Variants in EIF4ENIF1 observed in about 807,000 individuals in gnomAD.
EIF4ENIF1 encodes the protein eukaryotic translation initiation factor 4E transporter.
In EIF4ENIF1, 23 loss-of-function variants were observed where a neutral mutation model predicts 110.5. That is an observed-to-expected ratio of 0.21 (90% confidence interval 0.15 to 0.29). EIF4ENIF1 has a LOEUF of 0.29. Ranked by LOEUF, EIF4ENIF1 falls within the 10% of genes least tolerant of loss-of-function variation. The pLI, the probability that EIF4ENIF1 is intolerant of heterozygous loss-of-function variation, is 1.00. For missense variants in EIF4ENIF1, 1,031 were observed against 1,221.1 expected (o/e 0.84, Z 2.32); for synonymous variants, 440 against 437.0 (o/e 1.01, Z -0.09).
chr22:31,453,414 GC>G, intron 10 of EIF4ENIF1: 1 of 345,548 alleles, frequency 2.9e-6, no homozygotes, highest in Non-Finnish European at 5.7e-6. Context: ...TCACTCTGTT[GC>G]CCAGCCTGGA....
At position 31,447,521 on chromosome 22, in the gene EIF4ENIF1, G is replaced by A; in HGVS notation, c.1893C>T (p.Ala631=). The A allele has an allele frequency of 2.5e-6, 4 of 1,611,982 alleles. No homozygotes were observed. The highest frequency in any genetic ancestry group is 3.4e-6 in the Non-Finnish European group (4 of 1,178,894). The change falls in exon 14 of 19, where the codon GCC becomes GCT. Residue 631 remains alanine, a synonymous_variant. Coordinates refer to ENST00000330125, the MANE Select transcript of EIF4ENIF1 (RefSeq NM_019843.4). ...CCTGTACAGCAAGGTCATGTGGCAAGGCCAGCCCTTCTAAAGCTGCCTGTT... is the reference window on the plus strand; with the variant it reads ...CCTGTACAGCAAGGTCATGTGGCAAAGCCAGCCCTTCTAAAGCTGCCTGTT... ...ELQQAALEGL[A]LPHDLAVQAA... is the part of the protein sequence containing the mutation.
chr22:31,441,799 C>T lies in EIF4ENIF1; in HGVS notation c.2526G>A (p.Gln842=). 1 of 1,612,526 alleles carries T rather than the reference C, an allele frequency of 6.2e-7. No individual in the cohort carries two copies. The highest frequency in any genetic ancestry group is 1.7e-5 in the Admixed American group (1 of 59,944). ...QRMLAQGVHP[Q]HLPSLLQTGV... Reference sequence around the variant, plus strand: ...CAGTTTGGAGCAAACTTGGAAGATGCTGTGGATGTACTCCCTGGGCCAGCA... The same window carrying T: ...CAGTTTGGAGCAAACTTGGAAGATGTTGTGGATGTACTCCCTGGGCCAGCA... The change falls in exon 17 of 19, where the codon CAG becomes CAA. Residue 842 remains glutamine, a synonymous_variant. Coordinates refer to ENST00000330125, the MANE Select transcript of EIF4ENIF1 (RefSeq NM_019843.4).
chr22:31,463,004 C>A lies in EIF4ENIF1; in HGVS notation c.715G>T (p.Asp239Tyr). ...TGATCTTCTTCTAGTATCTTATCAT[C>A]AAAGCCAGTCAGTTCGATGGTTTCA... ...QSETIELTGFDDKILEEDHKG... is the reference protein window; with the variant it reads ...QSETIELTGFYDKILEEDHKG... Residue 239 changes from aspartate to tyrosine, a missense_variant, in exon 6 of 19, where the codon GAT becomes TAT. This residue lies in a region of EIF4ENIF1 where 704 missense variants were observed against 879.7 expected (regional missense o/e 0.80). Transcript: ENST00000330125. The A allele has an allele frequency of 1.2e-6, 2 of 1,614,144 alleles. No homozygotes were observed. The highest frequency in any genetic ancestry group is 1.7e-6 in the Non-Finnish European group (2 of 1,180,034).
chr22:31,457,414 TATCA>T (rs1446063073), intron 7 of EIF4ENIF1, among the ~76,000 whole-genome samples: 4 of 152,220 alleles, frequency 2.6e-5, no homozygotes, highest in African/African-American at 9.6e-5. Flanking sequence ...GCAGTATTCT[TATCA>T]ATATTTAGAA....
At chr22:31,467,064 A>G (rs1468299877) in intron 4 of EIF4ENIF1, among the ~76,000 whole-genome samples, 2 of 152,228 alleles carry the variant, frequency 1.3e-5, no homozygotes, top group Non-Finnish European at 2.9e-5. Flanking sequence ...CACATCTGCA[A>G]CATGGTTTTA....
chr22:31,462,185 C>T (rs1328110221), intron 6 of EIF4ENIF1, among the ~76,000 whole-genome samples: 2 of 152,104 alleles, frequency 1.3e-5, no homozygotes, highest in Non-Finnish European at 2.9e-5. Flanking sequence ...TGAATCCTCA[C>T]TTAAGCAGTT....
chr22:31,476,046 A>T (rs1431490838), intron 2 of EIF4ENIF1, among the ~76,000 whole-genome samples: 2 of 152,166 alleles, frequency 1.3e-5, no homozygotes, highest in Non-Finnish European at 2.9e-5. Flanking sequence ...AGAGGGCTTA[A>T]AATTTTTCTA....
chr22:31,479,759 G>A (rs1474330176), intron 2 of EIF4ENIF1, among the ~76,000 whole-genome samples: 1 of 149,090 alleles, frequency 6.7e-6, no homozygotes, highest in Non-Finnish European at 1.5e-5. Context: ...TCTCAGGCTG[G>A]AGTGCAGTGG....
chr22:31,490,106 G>A (rs536675567), upstream of EIF4ENIF1, among the ~76,000 whole-genome samples: 259 of 152,232 alleles, frequency 1.7e-3, 1 homozygote, highest in Non-Finnish European at 2.7e-3. Flanking sequence ...CGGTCGCCGT[G>A]GGCAGCCCAG....
Position 31,458,588 on chromosome 22 carries a change from C to G in EIF4ENIF1, c.850G>C (p.Glu284Gln), listed in dbSNP as rs1569081755. 5 of 1,613,590 alleles carry G rather than the reference C, an allele frequency of 3.1e-6. No individual in the cohort carries two copies. In the African/African-American group the frequency reaches 6.7e-5, roughly 22 times the overall value. Residue 284 changes from glutamate (E) to glutamine (Q), a missense_variant, in exon 7 of 19, where the codon GAG (glutamate) becomes CAG (glutamine). This residue lies in a region of EIF4ENIF1 where 704 missense variants were observed against 879.7 expected (regional missense o/e 0.80). Transcript: ENST00000330125. ...GGCACTTCCTGATCAGCCGCAGGCT[C>G]CTGTGCAAGGATGACCTCCACTTCA... ...EDEVEVILAQ[E>Q]PAADQEVPRD...
chr22:31,467,695 C>G (rs922863008), intron 4 of EIF4ENIF1, among the ~76,000 whole-genome samples: 4 of 151,868 alleles, frequency 2.6e-5, no homozygotes, highest in Non-Finnish European at 4.4e-5. Flanking sequence ...TGGTGGCAGG[C>G]ACCTGTAATC....
rs2051095147 is a variant in EIF4ENIF1 at position 31,464,185 on chromosome 22, CGATA to C, written c.299-222_299-219del. 5.9e-6 allele frequency: 3 copies of C among 509,874 alleles called. No homozygotes were observed. The South Asian group carries it at 1.1e-4, about 18-fold the overall frequency. 31.6% of individuals were successfully genotyped at this position (509,874 alleles called of 1,614,324 possible). On this transcript the variant is annotated intron_variant, in intron 4 of 18. Transcript: ENST00000330125. ...TCTTTGCAGCAATAGAAGTACGTCA[CGATA>C]AATAATTTTCCATGATTAGTCTTTG...
At chr22:31,482,988 C>T (rs2051879464) in intron 2 of EIF4ENIF1, among the ~76,000 whole-genome samples, 1 of 151,788 alleles carries the variant, frequency 6.6e-6, no homozygotes, top group Non-Finnish European at 1.5e-5. Flanking sequence ...AGGGCCACTG[C>T]ACTCCAGCCT....
intron 17 of EIF4ENIF1, 23 bp downstream of exon 17, chr22:31,441,750 AC>A (rs754988840): frequency 1.3e-6 from 2 of 1,586,406 alleles, no homozygotes; most frequent in South Asian, 2.3e-5. Context: ...AACTGACGAC[AC>A]CCAAGTCAGG....
At chr22:31,474,460 G>C (rs1415219727) in intron 2 of EIF4ENIF1, among the ~76,000 whole-genome samples, 1 of 151,202 alleles carries the variant, frequency 6.6e-6, no homozygotes, top group African/African-American at 2.4e-5. Context: ...CTTCAAACTG[G>C]CCCATGTGTC....
chr22:31,444,609 G>A lies in EIF4ENIF1; in HGVS notation c.2070C>T (p.Ser690=). ...ACAGTTACTAAAGGTCACTGACCAT[G>A]CTTGTGATGGAGGCAGCAGGGGCAG... ...SSPAPAASIT[S]MLSPSFTPTS... Residue 690 remains serine (S), a synonymous_variant, in exon 15 of 19, where the codon AGC becomes AGT. Transcript: ENST00000330125. 6.2e-7 allele frequency: 1 copy of A among 1,614,068 alleles called. No individual in the cohort carries two copies.
At chr22:31,465,483 C>T (rs1846373885) in intron 4 of EIF4ENIF1, among the ~76,000 whole-genome samples, 2 of 152,222 alleles carry the variant, frequency 1.3e-5, no homozygotes, top group South Asian at 2.1e-4. Flanking sequence ...GATACTACTA[C>T]ACGCCTATTA....
chr22:31,444,624 AGCAGGG>A lies in EIF4ENIF1; in HGVS notation c.2049_2054del (p.Pro684_Ala685del). ...CACTGACCATGCTTGTGATGGAGGC[AGCAGGG>A]GCAGGGGAAGAGGAATTCCCTCGAT... On this transcript the variant is annotated inframe_deletion, in exon 15 of 19. Coordinates refer to ENST00000330125, the MANE Select transcript of EIF4ENIF1 (RefSeq NM_019843.4). 6.2e-7 allele frequency: 1 copy of A among 1,614,160 alleles called. No homozygotes were observed. Among genetic ancestry groups the A allele is most frequent in the Non-Finnish European group, 8.5e-7 (1 of 1,180,004 alleles).
At chr22:31,476,816 A>G (rs2051588502) in intron 2 of EIF4ENIF1, among the ~76,000 whole-genome samples, 1 of 150,556 alleles carries the variant, frequency 6.6e-6, no homozygotes, top group Non-Finnish European at 1.5e-5. Context: ...AGCCTGGACA[A>G]CAGAGTAAGA....
Sources: allele counts gnomAD v4.1 joint callset (sites outside exome capture counted in the v4.1 genomes callset), GRCh38; gene constraint gnomAD v4.1.1; regional missense constraint gnomAD v4.1.1; transcripts MANE v1.5; gene names NCBI Gene and HGNC (gene_info 2026-07-23, HGNC 2026-07-21).